The following PLA2R1 variants were observed in gnomAD, a reference collection of about 807,000 sequenced individuals.
PLA2R1 encodes secretory phospholipase A2 receptor.
In PLA2R1, 158 loss-of-function variants were observed where a neutral mutation model predicts 195.9. The ratio of observed to expected loss-of-function variants is 0.81; its 90% confidence interval spans 0.71 to 0.92. The LOEUF (loss-of-function observed/expected upper bound fraction) is 0.92. PLA2R1 is among the 40% of genes least tolerant of loss of function. The pLI is 0.00. For missense variants in PLA2R1, 1,626 were observed against 1,764.6 expected (o/e 0.92, Z 1.41); for synonymous variants, 586 against 598.2 (o/e 0.98, Z 0.30).
chr2:159,934,214 C>T lies in PLA2R1; in HGVS notation c.*7564G>A, dbSNP rs1341076965. The T allele has an allele frequency of 6.6e-6, 1 of 152,178 alleles. No homozygotes were observed. Among genetic ancestry groups the T allele is most frequent in the African/African-American group, 2.4e-5 (1 of 41,434 alleles). 9.4% of individuals were successfully genotyped at this position (152,178 alleles called of 1,614,324 possible). A position where few individuals can be genotyped will look rare whatever the true frequency, so the allele number is the denominator to read the frequency against. Reference sequence around the variant, plus strand: ...AAATGGAAACTAAGTGAGTTTTTCCCTGCTGTACCCTATTAATACTAAGGC... The same window carrying T: ...AAATGGAAACTAAGTGAGTTTTTCCTTGCTGTACCCTATTAATACTAAGGC... On this transcript the variant is annotated 3_prime_UTR_variant, in exon 30 of 30. Coordinates refer to ENST00000283243, the MANE Select transcript of PLA2R1 (RefSeq NM_007366.5).
chr2:160,027,338 T>A (rs1208209516), intron 6 of PLA2R1, among the ~76,000 whole-genome samples: 25 of 151,350 alleles, frequency 1.7e-4, no homozygotes, highest in African/African-American at 6.1e-4. Context: ...GAAAGGAATA[T>A]GAAAGAAGGA....
rs1692460238 is a variant in PLA2R1, at chr2:160,012,874, T to G, written c.1664+389A>C. On this transcript the variant is annotated intron_variant, in intron 10 of 29. Coordinates refer to ENST00000283243, the MANE Select transcript of PLA2R1 (RefSeq NM_007366.5). Reference sequence around the variant, plus strand: ...TTGCAGTGAGCTGAGACTGCACCACTGCACTCCAGCCTGGGCAACAGAGCA... The same window carrying G: ...TTGCAGTGAGCTGAGACTGCACCACGGCACTCCAGCCTGGGCAACAGAGCA... Among the ~76,000 whole-genome samples, 2 of 152,050 alleles carry G rather than the reference T, an allele frequency of 1.3e-5. 1 individual carries two copies. The highest frequency in any genetic ancestry group is 4.8e-5 in the African/African-American group (2 of 41,470).
At chr2:160,041,269 T>A (rs1232391875) in intron 3 of PLA2R1, among the ~76,000 whole-genome samples, 1 of 152,174 alleles carries the variant, frequency 6.6e-6, no homozygotes, top group Non-Finnish European at 1.5e-5. Flanking sequence ...AAAGCTGTAC[T>A]CTGACTCACA....
intron 8 of PLA2R1, among the ~76,000 whole-genome samples, 181 bp downstream of exon 8, chr2:160,019,919 GGAGCAA>G (rs1412728104): frequency 5.9e-5 from 9 of 152,192 alleles, no homozygotes; most frequent in Admixed American, 5.9e-4. Flanking sequence ...ATAGTTCCTT[GGAGCAA>G]TCATTACAAC....
At chr2:160,033,233 C>T in intron 3 of PLA2R1, 101 bp from the exon 4 acceptor site, 1 of 893,036 alleles carries the variant, frequency 1.1e-6, no homozygotes, top group Non-Finnish European at 1.7e-6. Flanking sequence ...CTTGCAATCT[C>T]TAAAACTTCA....
intron 1 of PLA2R1, among the ~76,000 whole-genome samples, chr2:160,051,980 C>T (rs1695239950): frequency 6.6e-6 from 1 of 152,242 alleles, no homozygotes; most frequent in Non-Finnish European, 1.5e-5. Flanking sequence ...TTTAAAAAAC[C>T]TCTTTGTCCT....
intron 3 of PLA2R1, among the ~76,000 whole-genome samples, chr2:160,036,790 C>G (rs559787470): frequency 3.2e-4 from 49 of 152,290 alleles, no homozygotes; most frequent in Non-Finnish European, 5.7e-4. Context: ...ACTGAAAAGC[C>G]TTTGTTGTTG....
chr2:160,041,846 T>C (rs1259022190), intron 3 of PLA2R1, among the ~76,000 whole-genome samples, 179 bp downstream of exon 3: 1 of 152,320 alleles, frequency 6.6e-6, no homozygotes, highest in Non-Finnish European at 1.5e-5. Flanking sequence ...AAAGAATATA[T>C]ATTAGAATTG....
rs78411044 is a variant in PLA2R1, at chr2:160,055,638, T to C, written c.109+6657A>G. On this transcript the variant is annotated intron_variant, in intron 1 of 29. Coordinates refer to ENST00000283243, the MANE Select transcript of PLA2R1 (RefSeq NM_007366.5). ...GGTCACAAGGCTATTCAGGGATCCT[T>C]TGCATTAGTGCAGAGTGCTTGGTTC... Among the ~76,000 whole-genome samples the C allele has an allele frequency of 8.6e-3, 1,307 of 152,290 alleles. 17 individuals carry two copies. Among genetic ancestry groups the C allele is most frequent in the African/African-American group, 0.03 (1,246 of 41,560 alleles).
chr2:160,042,788 GGTGTGTGTGTGCGT>G lies in PLA2R1; in HGVS notation c.494-604_494-591del, dbSNP rs1235718373. On this transcript the variant is annotated intron_variant, in intron 2 of 29. Transcript: ENST00000283243. ...TAAATAGGATGAGAAGACAGAGTGG[GGTGTGTGTGTGCGT>G]GTGTGTGTGTGTGTGTGTGTGTGTG... is the stretch of plus-strand genomic sequence containing the variant. Among the ~76,000 whole-genome samples, 74 of 135,422 alleles carry G rather than the reference GGTGTGTGTGTGCGT, an allele frequency of 5.5e-4. 3 individuals carry two copies. The East Asian group carries it at 9.1e-3, about 17-fold the overall frequency. 88.8% of individuals were successfully genotyped at this position (135,422 alleles called of 152,430 possible).
At chr2:160,046,217 G>A (rs1006697716) in intron 1 of PLA2R1, among the ~76,000 whole-genome samples, 31 of 152,340 alleles carry the variant, frequency 2.0e-4, no homozygotes, top group African/African-American at 5.1e-4. Flanking sequence ...GAAACACACC[G>A]GCTGCTGCTG....
rs111324125 is a variant in PLA2R1 at position 159,951,588 on chromosome 2, G to T, written c.3302-10C>A. On this transcript the variant is annotated splice_polypyrimidine_tract_variant and intron_variant, in intron 23 of 29. Transcript: ENST00000283243. ...CCGTGTCCAGAAGTATCTAGAACAA[G>T]AACAGCAACAAAAGTCATTTGCAGC... 4 of 1,360,316 alleles carry T rather than the reference G, an allele frequency of 2.9e-6. No individual in the cohort carries two copies. Among genetic ancestry groups the T allele is most frequent in the South Asian group, 2.3e-5 (2 of 86,590 alleles). 84.3% of individuals were successfully genotyped at this position (1,360,316 alleles called of 1,614,324 possible).
intron 11 of PLA2R1, among the ~76,000 whole-genome samples, chr2:159,989,912 G>C (rs1434915135): frequency 1.3e-5 from 2 of 152,182 alleles, no homozygotes; most frequent in Non-Finnish European, 2.9e-5. Context: ...TTTGGTTTTA[G>C]ATGCTATAAG....
chr2:159,994,850 G>C (rs1486632174), intron 11 of PLA2R1, among the ~76,000 whole-genome samples: 2 of 152,020 alleles, frequency 1.3e-5, no homozygotes, highest in African/African-American at 2.4e-5. Flanking sequence ...TGAAATGCGT[G>C]ACAGGAATGA....
downstream of PLA2R1, among the ~76,000 whole-genome samples, chr2:159,930,493 A>C (rs1163052488): frequency 6.6e-6 from 1 of 152,086 alleles, no homozygotes; most frequent in Non-Finnish European, 1.5e-5. Flanking sequence ...ATCACCACTA[A>C]AAAACTTACT....
intron 11 of PLA2R1, among the ~76,000 whole-genome samples, chr2:160,000,568 G>T: frequency 6.6e-6 from 1 of 152,140 alleles, no homozygotes; most frequent in Non-Finnish European, 1.5e-5. Context: ...CCCACAAAAT[G>T]AAAGAGATGA....
In PLA2R1 at chr2:159,938,690, C is replaced by T. The variant is rs1686944280; in HGVS notation, c.*3088G>A. On this transcript the variant is annotated 3_prime_UTR_variant, in exon 30 of 30. Transcript: ENST00000283243. The stretch of plus-strand genomic sequence containing the variant: ...AGGCCAGACAGCTATTCTCAGTGGA[C>T]ACCAGCTAACATACATCCACAGTAA... 1 of 152,338 alleles carries T rather than the reference C, an allele frequency of 6.6e-6. No individual in the cohort carries two copies. Among genetic ancestry groups the T allele is most frequent in the African/African-American group, 2.4e-5 (1 of 41,450 alleles). The allele number at this position is 152,338 out of a possible 1,614,324, so 9.4% of individuals were successfully genotyped here. A position where few individuals can be genotyped will look rare whatever the true frequency, so the allele number is the denominator to read the frequency against.
At chr2:159,972,941 G>C (rs1689283859) in intron 17 of PLA2R1, among the ~76,000 whole-genome samples, 1 of 152,122 alleles carries the variant, frequency 6.6e-6, no homozygotes, top group South Asian at 2.1e-4. Flanking sequence ...TTTTTAAACT[G>C]TATCTAGCTT....
intron 1 of PLA2R1, among the ~76,000 whole-genome samples, chr2:160,053,694 T>A (rs555159245): frequency 6.6e-6 from 1 of 152,324 alleles, no homozygotes; most frequent in Non-Finnish European, 1.5e-5. Flanking sequence ...GTCCCCCAAC[T>A]TCAATGCAAC....
Sources: allele counts gnomAD v4.1 joint callset (sites outside exome capture counted in the v4.1 genomes callset), GRCh38; gene constraint gnomAD v4.1.1; transcripts MANE v1.5; gene names NCBI Gene and HGNC (gene_info 2026-07-23, HGNC 2026-07-21).